Variants in UMAD1 observed in about 807,000 individuals in gnomAD.
UMAD1 encodes UBAP1-MVB12-associated (UMA) domain containing 1, also known as UBAP1-MVB12-associated (UMA)-domain containing protein 1.
Under a neutral mutation model 6.1 loss-of-function variants are expected in UMAD1, and 8 were observed. That is an observed-to-expected ratio of 1.30 (90% CI 0.76 to 2.35). The LOEUF (loss-of-function observed/expected upper bound fraction) is 2.35. Among genes scored for constraint, UMAD1 ranks in the 30% most tolerant of loss-of-function variants. UMAD1 has a pLI of 0.00. For missense variants in UMAD1, 130 were observed against 78.4 expected (o/e 1.66, Z -2.49); for synonymous variants, 56 against 31.4 (o/e 1.78, Z -2.61).
chr7:7,862,138 AT>A (rs1426202573), intron 3 of UMAD1, among the ~76,000 whole-genome samples: 1 of 152,148 alleles, frequency 6.6e-6, no homozygotes, highest in African/African-American at 2.4e-5. Context: ...TTCTTCTTGT[AT>A]TTTTGACTGT....
intron 2 of UMAD1, among the ~76,000 whole-genome samples, chr7:7,679,731 T>TAC (rs1428804957): frequency 0.028 from 3,821 of 135,888 alleles, 121 homozygotes; most frequent in East Asian, 0.08. Context: ...TATATATATA[T>TAC]ACACACACAC....
intron 2 of UMAD1, among the ~76,000 whole-genome samples, chr7:7,751,422 G>T (rs1781675527): frequency 6.6e-6 from 1 of 152,180 alleles, no homozygotes; most frequent in South Asian, 2.1e-4. Context: ...ATAAGTTAGA[G>T]ATTTTTGGTT....
intron 3 of UMAD1, among the ~76,000 whole-genome samples, chr7:7,836,809 A>G (rs551301059): frequency 7.0e-4 from 106 of 152,140 alleles, no homozygotes; most frequent in African/African-American, 2.4e-3. Context: ...AGAATGTAAC[A>G]CAGAGAGACA....
intron 2 of UMAD1, among the ~76,000 whole-genome samples, chr7:7,768,872 T>A (rs1782046757): frequency 6.6e-6 from 1 of 152,240 alleles, no homozygotes; most frequent in Non-Finnish European, 1.5e-5. Flanking sequence ...TTGTATGTTT[T>A]CCAGTGTCTA....
intron 1 of UMAD1, among the ~76,000 whole-genome samples, chr7:7,658,295 C>T (rs976930551): frequency 6.6e-6 from 1 of 152,172 alleles, no homozygotes; most frequent in East Asian, 1.9e-4. Context: ...ATTCGAATAC[C>T]CCTTATTTCT....
At chr7:7,706,255 A>G (rs1780596476) in intron 2 of UMAD1, among the ~76,000 whole-genome samples, 1 of 152,170 alleles carries the variant, frequency 6.6e-6, no homozygotes, top group South Asian at 2.1e-4. Flanking sequence ...AAAATCATCA[A>G]AAAGAGTCTA....
At chr7:7,714,628 G>A (rs1780846697) in intron 2 of UMAD1, among the ~76,000 whole-genome samples, 1 of 152,086 alleles carries the variant, frequency 6.6e-6, no homozygotes, top group Non-Finnish European at 1.5e-5. Context: ...TAAAACAGTT[G>A]GAGGTTGTGT....
chr7:7,863,679 T>C (rs963857217), intron 3 of UMAD1, among the ~76,000 whole-genome samples: 3 of 152,104 alleles, frequency 2.0e-5, no homozygotes, highest in African/African-American at 7.2e-5. Flanking sequence ...CCTTCTTGCA[T>C]CAAGAGCCAA....
At chr7:7,862,059 G>C (rs1312149895) in intron 3 of UMAD1, among the ~76,000 whole-genome samples, 1 of 152,130 alleles carries the variant, frequency 6.6e-6, no homozygotes, top group Non-Finnish European at 1.5e-5. Flanking sequence ...AATGGCAAAT[G>C]TTCATTCTAT....
At chr7:7,670,143 C>A (rs1779570325) in intron 1 of UMAD1, among the ~76,000 whole-genome samples, 1 of 152,100 alleles carries the variant, frequency 6.6e-6, no homozygotes, top group Non-Finnish European at 1.5e-5. Context: ...TGTTTGTTTT[C>A]TTATACTACA....
intron 2 of UMAD1, among the ~76,000 whole-genome samples, chr7:7,701,006 C>T (rs372025010): frequency 2.8e-4 from 43 of 152,272 alleles, no homozygotes; most frequent in African/African-American, 9.6e-4. Context: ...GCTATGATCA[C>T]GGTACTACAC....
chr7:7,722,449 C>T (rs937700202), intron 2 of UMAD1, among the ~76,000 whole-genome samples: 5 of 152,012 alleles, frequency 3.3e-5, no homozygotes, highest in Admixed American at 2.6e-4. Flanking sequence ...AAAATAAATG[C>T]ATTTGACACT....
chr7:7,692,860 G>C (rs759572302), intron 2 of UMAD1, among the ~76,000 whole-genome samples: 33 of 152,158 alleles, frequency 2.2e-4, no homozygotes, highest in Non-Finnish European at 3.5e-4. Context: ...GCCTGCCTCG[G>C]CTTCCCACAG....
At chr7:7,820,793 T>A (rs7796962) in intron 3 of UMAD1, among the ~76,000 whole-genome samples, 52,362 of 152,016 alleles carry the variant, frequency 0.34, 9,183 homozygotes, top group Non-Finnish European at 0.38. Context: ...ATAAGCCAGT[T>A]TGGATTTAGG....
At chr7:7,799,313 C>T (rs776393405) in intron 2 of UMAD1, among the ~76,000 whole-genome samples, 2 of 152,190 alleles carry the variant, frequency 1.3e-5, no homozygotes, top group Non-Finnish European at 2.9e-5. Context: ...CATTTATTGT[C>T]CTATCTGAGT....
At chr7:7,669,451 G>C (rs531720047) in intron 1 of UMAD1, among the ~76,000 whole-genome samples, 1 of 152,186 alleles carries the variant, frequency 6.6e-6, no homozygotes, top group Non-Finnish European at 1.5e-5. Flanking sequence ...TTATACCACT[G>C]TGTGTTTTTG....
At chr7:7,756,107 G>A (rs1017090858) in intron 2 of UMAD1, among the ~76,000 whole-genome samples, 10 of 152,218 alleles carry the variant, frequency 6.6e-5, no homozygotes, top group African/African-American at 2.2e-4. Flanking sequence ...TGATATCAGA[G>A]TAAATGCTAA....
At chr7:7,739,806 A>G (rs764646900) in intron 2 of UMAD1, among the ~76,000 whole-genome samples, 7 of 152,372 alleles carry the variant, frequency 4.6e-5, no homozygotes, top group African/African-American at 1.7e-4. Flanking sequence ...GAAGAGTAGA[A>G]GAAATGGCTC....
At chr7:7,670,714 A>G (rs1218915547) in intron 1 of UMAD1, among the ~76,000 whole-genome samples, 2 of 152,242 alleles carry the variant, frequency 1.3e-5, no homozygotes, top group Non-Finnish European at 2.9e-5. Context: ...TGAACTAAAA[A>G]GACAAGTAAT....
Sources: gnomAD v4.1 joint callset for allele counts (sites outside exome capture counted in the v4.1 genomes callset) on GRCh38, gnomAD v4.1.1 for gene constraint, MANE v1.5 for transcripts, NCBI Gene and HGNC (gene_info 2026-07-23, HGNC 2026-07-21) for gene names.